ATAD2B: variants seen among roughly 807,000 people sequenced by gnomAD.
The protein encoded by ATAD2B is ATPase family AAA domain-containing protein 2B.
In ATAD2B, 40 loss-of-function variants were observed where a neutral mutation model predicts 167.6. The ratio of observed to expected loss-of-function variants is 0.24; its 90% CI spans 0.19 to 0.31. The LOEUF is 0.31. ATAD2B is among the 10% of genes least tolerant of loss of function. ATAD2B has a pLI of 1.00. For synonymous variants in ATAD2B, 579 were observed against 596.5 expected, an observed-to-expected ratio of 0.97 and a Z score of 0.43; for missense variants, 1,242 against 1,757.2, an observed-to-expected ratio of 0.71 and a Z score of 5.24.
chr2:23,706,833 G>A, the ATAD2B span: 11 of 544,440 alleles, frequency 2.0e-5, no homozygotes, highest in Admixed American at 8.0e-5. Flanking sequence ...AATCATCCTC[G>A]CCTTTGGATG....
chr2:23,693,597 A>G, the ATAD2B span: 1 of 1,463,752 alleles, frequency 6.8e-7, no homozygotes, highest in Non-Finnish European at 9.3e-7. Context: ...TGGGGTCTGC[A>G]GCAAGGAGGA....
intron 13 of ATAD2B, among the ~76,000 whole-genome samples, chr2:23,836,951 G>A (rs969234728): frequency 6.6e-6 from 1 of 152,152 alleles, no homozygotes; most frequent in Admixed American, 6.5e-5. Flanking sequence ...CTGGCAGCCT[G>A]GCCAACCTTC....
chr2:23,909,477 T>C (rs572518803), intron 1 of ATAD2B, among the ~76,000 whole-genome samples: 2 of 151,818 alleles, frequency 1.3e-5, no homozygotes, highest in East Asian at 1.9e-4. Context: ...TACATATATA[T>C]ATACATACAT....
chr2:23,772,784 GCAGTGGCATGATCATGC>G (rs1289265823), intron 22 of ATAD2B, among the ~76,000 whole-genome samples: 1 of 152,216 alleles, frequency 6.6e-6, no homozygotes, highest in Non-Finnish European at 1.5e-5. Flanking sequence ...AAGCTAGAGT[GCAGTGGCATGATCATGC>G]CTTATAGCAG....
In ATAD2B at chr2:23,875,994, TTTG is replaced by T. The variant is rs1007972444; in HGVS notation, c.902-93_902-91del. ...AGTAGAAATGACTTCTGCTCACTTT[TTTG>T]TTGTTGTTGTTTTTTGAGACAGAGT... is the stretch of plus-strand genomic sequence containing the variant. On this transcript the variant is annotated intron_variant, in intron 7 of 27. Transcript: ENST00000238789. 114 of 1,002,358 alleles carry T rather than the reference TTTG, an allele frequency of 1.1e-4. No homozygotes were observed. In the African/African-American group the frequency reaches 1.5e-3, roughly 13 times the overall value. The allele number at this position is 1,002,358 out of a possible 1,614,324, so 62.1% of individuals were successfully genotyped here. A position where few individuals can be genotyped will look rare whatever the true frequency, so the allele number is the denominator to read the frequency against.
intron 21 of ATAD2B, among the ~76,000 whole-genome samples, chr2:23,783,255 T>C (rs1370324020): frequency 6.6e-6 from 1 of 151,842 alleles, no homozygotes; most frequent in Non-Finnish European, 1.5e-5. Flanking sequence ...CTGAAATGTT[T>C]CTGTTCTTAA....
chr2:23,693,520 C>T, the ATAD2B span: 7 of 1,549,822 alleles, frequency 4.5e-6, no homozygotes, highest in Non-Finnish European at 6.1e-6. Context: ...CCCCGCGACA[C>T]GCACACAGGT....
At chr2:23,739,463 T>C in the ATAD2B span, among the ~76,000 whole-genome samples, 2 of 152,024 alleles carry the variant, frequency 1.3e-5, no homozygotes, top group African/African-American at 2.4e-5. Flanking sequence ...GGGTAAATAA[T>C]GAAGTGAAGG....
At chr2:23,804,662 GA>G (rs1178435532) in intron 18 of ATAD2B, among the ~76,000 whole-genome samples, 2 of 134,882 alleles carry the variant, frequency 1.5e-5, no homozygotes, top group African/African-American at 5.7e-5. Flanking sequence ...ATCATGCCAC[GA>G]AAAAAATCAG....
At chr2:23,703,117 C>T in the ATAD2B span, 2 of 1,187,794 alleles carry the variant, frequency 1.7e-6, no homozygotes, top group East Asian at 3.1e-5. Flanking sequence ...AGTTTGCTGC[C>T]CTTGCTTGTG....
the ATAD2B span, among the ~76,000 whole-genome samples, chr2:23,684,703 A>G: frequency 1.3e-5 from 2 of 151,320 alleles, no homozygotes; most frequent in African/African-American, 4.9e-5. The surrounding 1 kb of genome is among the most constrained non-coding windows in gnomAD (Gnocchi z 4.4). Flanking sequence ...ACCCTCTCAC[A>G]CACAGCCTCA....
At chr2:23,748,376 C>T (rs183885650), downstream of ATAD2B, among the ~76,000 whole-genome samples, 3 of 152,200 alleles carry the variant, frequency 2.0e-5, no homozygotes, top group East Asian at 5.8e-4. Context: ...CATATGTTAT[C>T]GTATAGTCTT....
intron 13 of ATAD2B, among the ~76,000 whole-genome samples, chr2:23,850,644 G>C (rs372704644): frequency 6.6e-6 from 1 of 152,156 alleles, no homozygotes; most frequent in Non-Finnish European, 1.5e-5. Flanking sequence ...TTGCTGGGGA[G>C]ATAGGGAGGG....
intron 20 of ATAD2B, 110 bp downstream of exon 20, chr2:23,788,402 G>A (rs1681144633): frequency 8.1e-7 from 1 of 1,236,244 alleles, no homozygotes; most frequent in South Asian, 1.4e-5. Flanking sequence ...AACAGAACCT[G>A]ACAAACTGTC....
chr2:23,893,656 A>C, intron 2 of ATAD2B, among the ~76,000 whole-genome samples: 1 of 150,036 alleles, frequency 6.7e-6, no homozygotes, highest in South Asian at 2.1e-4. Context: ...ATAAACTAAA[A>C]AAAAAAAAAA....
At chr2:23,914,602 G>T (rs1702766896) in intron 1 of ATAD2B, among the ~76,000 whole-genome samples, 1 of 152,100 alleles carries the variant, frequency 6.6e-6, no homozygotes, top group Admixed American at 6.6e-5. Context: ...CACTTTGGTA[G>T]GCCGAGGCAG....
At chr2:23,709,830 G>A in the ATAD2B span, among the ~76,000 whole-genome samples, 1 of 152,206 alleles carries the variant, frequency 6.6e-6, no homozygotes, top group African/African-American at 2.4e-5. Flanking sequence ...TATAACTTGA[G>A]ATAAAAATCA....
At chr2:23,738,508 T>C in the ATAD2B span, among the ~76,000 whole-genome samples, 39 of 152,268 alleles carry the variant, frequency 2.6e-4, no homozygotes, top group African/African-American at 8.7e-4. Flanking sequence ...CTGAGAGATT[T>C]TGTCACCACC....
chr2:23,777,348 A>ATATATTTATATCTATATC (rs1553380262), intron 22 of ATAD2B, among the ~76,000 whole-genome samples: 1 of 146,226 alleles, frequency 6.8e-6, no homozygotes, highest in Admixed American at 7.0e-5. Flanking sequence ...CATAATACTG[A>ATATATTTATATCTATATC]TATATCTATA....
Sources: gnomAD v4.1 joint callset for allele counts (sites outside exome capture counted in the v4.1 genomes callset) on GRCh38, gnomAD v4.1.1 for gene constraint, Gnocchi (gnomAD v3.1) non-coding constraint, MANE v1.5 for transcripts, NCBI Gene and HGNC (gene_info 2026-07-23, HGNC 2026-07-21) for gene names.